TRAF3: variants seen among roughly 807,000 people sequenced by gnomAD.
TRAF3 encodes TNF receptor associated factor 3, also known as TNF receptor-associated factor 3.
Under a neutral mutation model 62.3 loss-of-function variants are expected in TRAF3, and 13 were observed. The observed-to-expected ratio is 0.21, with a 90% CI of 0.14 to 0.33. The LOEUF is 0.33. TRAF3 is among the 10% of genes least tolerant of loss of function. The pLI is 1.00. For synonymous variants in TRAF3, 269 were observed against 283.4 expected, an observed-to-expected ratio of 0.95 and a Z score of 0.51; for missense variants, 440 against 741.8, an observed-to-expected ratio of 0.59 and a Z score of 4.73.
At chr14:102,864,118 T>C (rs1887835148) in intron 2 of TRAF3, among the ~76,000 whole-genome samples, 2 of 152,112 alleles carry the variant, frequency 1.3e-5, no homozygotes, top group African/African-American at 4.8e-5. Flanking sequence ...AGTTTTAAAA[T>C]AGTAGATTCT....
intron 4 of TRAF3, 80 bp from the exon 5 acceptor site, chr14:102,875,544 T>G: frequency 1.4e-5 from 16 of 1,157,024 alleles, no homozygotes; most frequent in Admixed American, 3.8e-5. Context: ...TTTTTTTAAG[T>G]GGTTTTGCCT....
intron 6 of TRAF3, among the ~76,000 whole-genome samples, chr14:102,878,873 C>A (rs1888874283): frequency 1.3e-5 from 2 of 152,022 alleles, no homozygotes; most frequent in Non-Finnish European, 2.9e-5. Flanking sequence ...CGGGGCAAGG[C>A]CTGGTGTTGC....
At chr14:102,887,740 G>A (rs1462439913) in intron 7 of TRAF3, among the ~76,000 whole-genome samples, 4 of 151,998 alleles carry the variant, frequency 2.6e-5, no homozygotes, top group African/African-American at 7.2e-5. Flanking sequence ...GACTACAGGC[G>A]CCTGCCACCA....
intron 1 of TRAF3, among the ~76,000 whole-genome samples, chr14:102,780,938 A>G (rs1473525323): frequency 1.3e-5 from 2 of 152,190 alleles, no homozygotes; most frequent in African/African-American, 2.4e-5. Context: ...GGAAAAATGC[A>G]AATCTACCAT....
Position 102,806,804 on chromosome 14 carries a change from C to T in TRAF3, c.-156-23530C>T, listed in dbSNP as rs146307127. Among the ~76,000 whole-genome samples, 116 of 152,198 alleles carry T rather than the reference C, an allele frequency of 7.6e-4. 1 individual carries two copies. The East Asian group carries it at 0.015, about 20-fold the overall frequency. On this transcript the variant is annotated intron_variant, in intron 1 of 11. Coordinates refer to ENST00000392745, the MANE Select transcript of TRAF3 (RefSeq NM_145725.3). ...CTGGTCTCAGAGGGGCTCATTGTCC[C>T]GGACCTGCAGGACAAGGAGGCGTTT...
chr14:102,832,235 A>T (rs948935423), intron 2 of TRAF3, among the ~76,000 whole-genome samples: 8 of 152,210 alleles, frequency 5.3e-5, no homozygotes, highest in Non-Finnish European at 1.2e-4. Flanking sequence ...TGTGGTGAGA[A>T]CACTTTACAT....
intron 5 of TRAF3, 145 bp downstream of exon 5, chr14:102,875,873 C>A: frequency 1.4e-6 from 1 of 732,302 alleles, no homozygotes; most frequent in Non-Finnish European, 2.4e-6. Flanking sequence ...GGAAAGCAGT[C>A]AGAACCACTT....
intron 2 of TRAF3, among the ~76,000 whole-genome samples, chr14:102,858,712 T>C (rs1887520648): frequency 6.6e-6 from 1 of 152,314 alleles, no homozygotes; most frequent in East Asian, 1.9e-4. Context: ...CATATCACAA[T>C]TCTAGGAGTT....
chr14:102,883,884 C>T (rs1325610940), intron 6 of TRAF3, among the ~76,000 whole-genome samples: 1 of 152,212 alleles, frequency 6.6e-6, no homozygotes, highest in Non-Finnish European at 1.5e-5. Context: ...TGCTTTTCAA[C>T]TCACACATGT....
chr14:102,848,066 G>A (rs1274864880), intron 2 of TRAF3, among the ~76,000 whole-genome samples: 1 of 152,134 alleles, frequency 6.6e-6, no homozygotes, highest in African/African-American at 2.4e-5. Context: ...GGCAGCCTGG[G>A]GGTGTGACCT....
chr14:102,797,356 A>G (rs1006628379), intron 1 of TRAF3, among the ~76,000 whole-genome samples: 3 of 152,230 alleles, frequency 2.0e-5, no homozygotes, highest in African/African-American at 4.8e-5. Context: ...GGTCTCATCA[A>G]GCTTTGACAT....
chr14:102,893,169 G>T (rs1277434679), intron 9 of TRAF3, among the ~76,000 whole-genome samples: 1 of 151,896 alleles, frequency 6.6e-6, no homozygotes, highest in Non-Finnish European at 1.5e-5. Flanking sequence ...CTGAGGCTGA[G>T]GTCGGGAGTT....
chr14:102,792,030 G>T (rs1192856162), intron 1 of TRAF3, among the ~76,000 whole-genome samples: 1 of 151,336 alleles, frequency 6.6e-6, no homozygotes, highest in Non-Finnish European at 1.5e-5. Flanking sequence ...ATGTTGCCCA[G>T]GCTAGTCCCA....
At chr14:102,899,074 A>G (rs577079415) in intron 10 of TRAF3, among the ~76,000 whole-genome samples, 2 of 152,368 alleles carry the variant, frequency 1.3e-5, no homozygotes, top group East Asian at 3.9e-4. Context: ...CCCTGAGTGC[A>G]GGGACACGGC....
intron 2 of TRAF3, among the ~76,000 whole-genome samples, chr14:102,860,958 A>C (rs981480903): frequency 6.6e-6 from 1 of 152,246 alleles, no homozygotes; most frequent in Non-Finnish European, 1.5e-5. Flanking sequence ...ATTTCTCAAC[A>C]TGTGGTCTTT....
chr14:102,897,521 C>T, intron 10 of TRAF3, 120 bp downstream of exon 10: 1 of 1,307,684 alleles, frequency 7.6e-7, no homozygotes. Flanking sequence ...AGAAAGGCAA[C>T]TGATTTCTCT....
intron 1 of TRAF3, among the ~76,000 whole-genome samples, chr14:102,779,269 C>CTTTTTTTTTTTTTTTTTTTTTTTTTTT (rs61309052): frequency 8.1e-6 from 1 of 123,456 alleles, no homozygotes; most frequent in African/African-American, 3.5e-5. Flanking sequence ...AGAATTCCAG[C>CTTTTTTTTTTTTTTTTTTTTTTTTTTT]TTTTTTTTTT....
At chr14:102,822,983 G>A (rs1265437081) in intron 1 of TRAF3, among the ~76,000 whole-genome samples, 7 of 149,754 alleles carry the variant, frequency 4.7e-5, no homozygotes, top group Middle Eastern at 3.2e-3. Flanking sequence ...TCCAGCCTAG[G>A]CAACAAGAGT....
At chr14:102,798,110 A>T (rs1016916495) in intron 1 of TRAF3, among the ~76,000 whole-genome samples, 1 of 152,206 alleles carries the variant, frequency 6.6e-6, no homozygotes, top group African/African-American at 2.4e-5. Flanking sequence ...TTCAGCATGT[A>T]TTAACTACTG....
Sources: allele counts gnomAD v4.1 joint callset (sites outside exome capture counted in the v4.1 genomes callset), GRCh38; gene constraint gnomAD v4.1.1; transcripts MANE v1.5; gene names NCBI Gene and HGNC (gene_info 2026-07-23, HGNC 2026-07-21).